The following FLT4 variants were observed in gnomAD, a reference collection of about 807,000 sequenced individuals.
FLT4 encodes the protein vascular endothelial growth factor receptor 3.
In FLT4, 30 loss-of-function variants were observed where a neutral mutation model predicts 163.2. That is an observed-to-expected ratio of 0.18 (90% confidence interval 0.14 to 0.25). The LOEUF (loss-of-function observed/expected upper bound fraction) is 0.25, where lower values mean the gene tolerates loss of function less well. Ranked by LOEUF, FLT4 falls within the 10% of genes least tolerant of loss-of-function variation. The pLI is 1.00. For synonymous variants in FLT4, 884 were observed against 789.5 expected (o/e 1.12, Z -2.01); for missense variants, 1,510 against 1,863.8 (o/e 0.81, Z 3.50).
rs1334476085 is a variant in FLT4 at position 180,628,871 on chromosome 5, A to T, written c.1103+11T>A. 1.9e-6 allele frequency: 3 copies of T among 1,582,108 alleles called. No individual in the cohort carries two copies. Among genetic ancestry groups the T allele is most frequent in the Non-Finnish European group, 2.6e-6 (3 of 1,158,716 alleles). ...GTATCGGCGGGGTCGGTGGGGAGCC[A>T]GGGCTGTTACCACTGGAACTCGGGC... On this transcript the variant is annotated intron_variant, in intron 8 of 29. Transcript: ENST00000261937.
In FLT4 at chr5:180,607,867, T is replaced by C; in HGVS notation, c.3893+1101A>G. On this transcript the variant is annotated intron_variant, in intron 29 of 29. Coordinates refer to ENST00000261937, the MANE Select transcript of FLT4 (RefSeq NM_182925.5). The stretch of plus-strand genomic sequence containing the variant: ...TGAAGGGACATTGTGAGAAGTGACC[T>C]AGAAGGCAAGAGGTGAGCCCTCTGT... 5 of 556,388 alleles carry C rather than the reference T, an allele frequency of 9.0e-6. No homozygotes were observed. The East Asian group carries it at 1.5e-4, about 17-fold the overall frequency. 34.5% of individuals were successfully genotyped at this position (556,388 alleles called of 1,614,324 possible). A position where few individuals can be genotyped will look rare whatever the true frequency, so the allele number is the denominator to read the frequency against.
At chr5:180,611,721 CCA>C in intron 26 of FLT4, 1 of 588,742 alleles carries the variant, frequency 1.7e-6, no homozygotes, top group South Asian at 2.0e-5. Context: ...CGTGAGTGCT[CCA>C]CAGAGGAAAC....
chr5:180,648,996 G>A (rs1765619422), intron 1 of FLT4, among the ~76,000 whole-genome samples: 1 of 152,160 alleles, frequency 6.6e-6, no homozygotes. Context: ...GGGGAAGCCC[G>A]CCTCGAGCGC....
intron 29 of FLT4, among the ~76,000 whole-genome samples, chr5:180,606,493 C>A (rs931491208): frequency 6.6e-6 from 1 of 152,166 alleles, no homozygotes; most frequent in Non-Finnish European, 1.5e-5. Context: ...CGGGTCCTGG[C>A]GTTGAGTCCC....
At chr5:180,625,187 C>T (rs190874704) in intron 10 of FLT4, among the ~76,000 whole-genome samples, 45 of 152,332 alleles carry the variant, frequency 3.0e-4, no homozygotes, top group African/African-American at 1.1e-3. Flanking sequence ...TGAGCCATGT[C>T]TCCACTTCTC....
chr5:180,622,914 G>C (rs980737793), intron 11 of FLT4, 75 bp from the exon 12 acceptor site: 1 of 947,034 alleles, frequency 1.1e-6, no homozygotes, highest in Non-Finnish European at 1.7e-6. Context: ...TCTGCAAGGA[G>C]GTCGCTGTGC....
intron 13 of FLT4, 121 bp from the exon 14 acceptor site, chr5:180,621,373 G>C: frequency 3.5e-6 from 5 of 1,413,896 alleles, no homozygotes; most frequent in Non-Finnish European, 4.8e-6. Context: ...TGTGCGCCGG[G>C]CAGGAGCGCG....
Position 180,602,913 on chromosome 5 carries a change from G to T in FLT4, c.*279C>A. The T allele has an allele frequency of 1.7e-6, 1 of 589,004 alleles. No homozygotes were observed. The highest frequency in any genetic ancestry group is 2.1e-5 in the South Asian group (1 of 47,690). The allele number at this position is 589,004 out of a possible 1,614,324, so 36.5% of individuals were successfully genotyped here. ...ACATTCCCATGGAAGTGCTGGCCCCGGGACCAGCACCTGCGGATGCTGAAC... is the reference window on the plus strand; with the variant it reads ...ACATTCCCATGGAAGTGCTGGCCCCTGGACCAGCACCTGCGGATGCTGAAC... On this transcript the variant is annotated 3_prime_UTR_variant, in exon 30 of 30. Coordinates refer to ENST00000261937, the MANE Select transcript of FLT4 (RefSeq NM_182925.5).
intron 26 of FLT4, 162 bp downstream of exon 26, chr5:180,612,344 G>A (rs1762276664): frequency 7.5e-6 from 5 of 663,270 alleles, no homozygotes; most frequent in Admixed American, 2.3e-5. Flanking sequence ...AAAGATGCAA[G>A]GGTGTGGGGA....
intron 29 of FLT4, among the ~76,000 whole-genome samples, chr5:180,607,491 A>G (rs1356388201): frequency 6.6e-6 from 1 of 151,220 alleles, no homozygotes; most frequent in Non-Finnish European, 1.5e-5. Flanking sequence ...ATACAAAACA[A>G]TTAGCCGGGC....
At chr5:180,616,749 A>G (rs1762724834) in intron 22 of FLT4, 151 bp downstream of exon 22, 3 of 831,098 alleles carry the variant, frequency 3.6e-6, no homozygotes, top group South Asian at 2.8e-5. Flanking sequence ...GGTCAACTCC[A>G]TGCTTTGGGC....
Position 180,620,454 on chromosome 5 carries a change from T to C in FLT4, c.2407-146A>G. On this transcript the variant is annotated intron_variant, in intron 16 of 29. Coordinates refer to ENST00000261937, the MANE Select transcript of FLT4 (RefSeq NM_182925.5). The surrounding 1 kb of genome is among the most constrained non-coding windows in gnomAD (Gnocchi z 4.4). Reference sequence around the variant, plus strand: ...GACAGAAAAAAAGACAGACAACCTCTGCGGGGTTGGAGCCCAGCGTGAAGG... The same window carrying C: ...GACAGAAAAAAAGACAGACAACCTCCGCGGGGTTGGAGCCCAGCGTGAAGG... 2 of 1,267,226 alleles carry C rather than the reference T, an allele frequency of 1.6e-6. No homozygotes were observed. The highest frequency in any genetic ancestry group is 2.3e-6 in the Non-Finnish European group (2 of 876,930). 78.5% of individuals were successfully genotyped at this position (1,267,226 alleles called of 1,614,324 possible).
At chr5:180,640,667 C>T (rs1327591687) in intron 1 of FLT4, among the ~76,000 whole-genome samples, 1 of 152,254 alleles carries the variant, frequency 6.6e-6, no homozygotes, top group African/African-American at 2.4e-5. Context: ...AAAACCCAGC[C>T]CAGCCCAGTG....
chr5:180,634,236 C>G (rs1232571779), intron 1 of FLT4, among the ~76,000 whole-genome samples: 1 of 152,238 alleles, frequency 6.6e-6, no homozygotes, highest in Non-Finnish European at 1.5e-5. Flanking sequence ...GGGTCTAGTT[C>G]AGACGCCCTC....
rs890919818 is a variant in FLT4, at chr5:180,622,930, C to A, written c.1549-91G>T. ...CTGCAAGGAGGTCGCTGTGCACCACCCCCCCCAATCATGGGGGAAACTGAG... is the reference window on the plus strand; with the variant it reads ...CTGCAAGGAGGTCGCTGTGCACCACACCCCCCAATCATGGGGGAAACTGAG... On this transcript the variant is annotated intron_variant, in intron 11 of 29. Transcript: ENST00000261937. 21 of 791,812 alleles carry A rather than the reference C, an allele frequency of 2.7e-5. No individual in the cohort carries two copies. In the East Asian group the frequency reaches 2.9e-4, roughly 11 times the overall value. 49.0% of individuals were successfully genotyped at this position (791,812 alleles called of 1,614,324 possible).
intron 1 of FLT4, among the ~76,000 whole-genome samples, chr5:180,646,056 C>A (rs571353219): frequency 2.0e-5 from 3 of 152,202 alleles, no homozygotes; most frequent in East Asian, 1.9e-4. Context: ...GCAGCTGATT[C>A]GCTTAATTTC....
chr5:180,649,585 G>C lies in FLT4; in HGVS notation c.-40C>G. ...CGTGGGTCCGACCCGAGCGGCCGCG[G>C]CTCGGGGCTGAAAGTGTCCGCGCGG... On this transcript the variant is annotated 5_prime_UTR_variant, in exon 1 of 30. Coordinates refer to ENST00000261937, the MANE Select transcript of FLT4 (RefSeq NM_182925.5). 3.1e-6 allele frequency: 4 copies of C among 1,308,984 alleles called. No individual in the cohort carries two copies. The highest frequency in any genetic ancestry group is 3.1e-5 in the African/African-American group (2 of 64,254). 81.1% of individuals were successfully genotyped at this position (1,308,984 alleles called of 1,614,324 possible). A position where few individuals can be genotyped will look rare whatever the true frequency, so the allele number is the denominator to read the frequency against.
Position 180,602,528 on chromosome 5 carries a change from T to G in FLT4, c.*664A>C, listed in dbSNP as rs1761566867. The G allele has an allele frequency of 5.0e-6, 2 of 399,250 alleles. No homozygotes were observed. Among genetic ancestry groups the G allele is most frequent in the Non-Finnish European group, 8.8e-6 (2 of 226,814 alleles). The allele number at this position is 399,250 out of a possible 1,614,324, so 24.7% of individuals were successfully genotyped here. A position where few individuals can be genotyped will look rare whatever the true frequency, so the allele number is the denominator to read the frequency against. On this transcript the variant is annotated 3_prime_UTR_variant, in exon 30 of 30. Coordinates refer to ENST00000261937, the MANE Select transcript of FLT4 (RefSeq NM_182925.5). ...TGTTGAAAAAGACTTGCAGGATGGC[T>G]CTCAACACCCAGGCGCAGGTGTGCG...
chr5:180,643,802 C>T (rs541329667), intron 1 of FLT4, among the ~76,000 whole-genome samples: 51 of 152,030 alleles, frequency 3.4e-4, no homozygotes, highest in African/African-American at 1.0e-3. Context: ...GTGGAGCGGC[C>T]GGCTCATTAC....
Sources: gnomAD v4.1 joint callset for allele counts (sites outside exome capture counted in the v4.1 genomes callset) on GRCh38, gnomAD v4.1.1 for gene constraint, Gnocchi (gnomAD v3.1) non-coding constraint, MANE v1.5 for transcripts, NCBI Gene and HGNC (gene_info 2026-07-23, HGNC 2026-07-21) for gene names.